The following GRAMD1C variants were observed in gnomAD, a reference collection of about 807,000 sequenced individuals.
GRAMD1C encodes protein Aster-C.
A neutral mutation model predicts 97.8 loss-of-function variants in GRAMD1C; 89 were observed. The ratio of observed to expected loss-of-function variants is 0.91; its 90% CI spans 0.77 to 1.09. GRAMD1C has a LOEUF of 1.09. Among genes scored for constraint, GRAMD1C ranks in the 50% least tolerant of loss-of-function variants. GRAMD1C has a pLI of 0.00. For missense variants in GRAMD1C, 740 were observed against 766.4 expected, an observed-to-expected ratio of 0.97 and a Z score of 0.41; for synonymous variants, 256 against 267.0, an observed-to-expected ratio of 0.96 and a Z score of 0.40.
chr3:113,870,732 T>A (rs1246793926), intron 3 of GRAMD1C, among the ~76,000 whole-genome samples: 1 of 151,996 alleles, frequency 6.6e-6, no homozygotes, highest in Non-Finnish European at 1.5e-5. Context: ...TAATTAAAAA[T>A]TTTAAAAAAG....
At chr3:113,874,781 A>C (rs1284324466) in intron 3 of GRAMD1C, among the ~76,000 whole-genome samples, 1 of 152,182 alleles carries the variant, frequency 6.6e-6, no homozygotes, top group Non-Finnish European at 1.5e-5. Flanking sequence ...ATATGTCTTA[A>C]TCTAACTACT....
chr3:113,893,854 A>G (rs1384401509), intron 6 of GRAMD1C, among the ~76,000 whole-genome samples: 1 of 152,232 alleles, frequency 6.6e-6, no homozygotes, highest in African/African-American at 2.4e-5. Flanking sequence ...TTGGAGTCCA[A>G]ATAATTACTA....
intron 2 of GRAMD1C, among the ~76,000 whole-genome samples, chr3:113,858,875 G>A (rs1283974080): frequency 6.6e-6 from 1 of 152,158 alleles, no homozygotes; most frequent in Admixed American, 6.6e-5. Flanking sequence ...CATGTGTAGA[G>A]TTCTTTACAG....
At chr3:113,879,852 C>A (rs1228884212) in intron 5 of GRAMD1C, among the ~76,000 whole-genome samples, 1 of 152,022 alleles carries the variant, frequency 6.6e-6, no homozygotes, top group African/African-American at 2.4e-5. Context: ...CGCCACCATG[C>A]CCGGCTAATT....
In GRAMD1C at chr3:113,838,846, G is replaced by C. The variant is rs964779871; in HGVS notation, c.-64G>C. 1.7e-6 allele frequency: 2 copies of C among 1,183,116 alleles called. No individual in the cohort carries two copies. Among genetic ancestry groups the C allele is most frequent in the Admixed American group, 4.3e-5 (1 of 23,248 alleles). 73.3% of individuals were successfully genotyped at this position (1,183,116 alleles called of 1,614,324 possible). A position where few individuals can be genotyped will look rare whatever the true frequency, so the allele number is the denominator to read the frequency against. The stretch of plus-strand genomic sequence containing the variant: ...CTGTAACTCGCAGCGCGCGCTGGAG[G>C]TGGGCGCGGGGCGGTGCGGTGCGGT... On this transcript the variant is annotated 5_prime_UTR_variant, in exon 1 of 18. Transcript: ENST00000358160.
chr3:113,928,543 C>T (rs946805028), intron 10 of GRAMD1C, among the ~76,000 whole-genome samples: 3 of 152,184 alleles, frequency 2.0e-5, no homozygotes, highest in Admixed American at 6.5e-5. Flanking sequence ...AGTACATTCA[C>T]GTTATTGTAC....
chr3:113,933,383 T>A, intron 11 of GRAMD1C, 128 bp from the exon 12 acceptor site: 1 of 621,358 alleles, frequency 1.6e-6, no homozygotes, highest in East Asian at 2.8e-5. Flanking sequence ...CTCTTTTAGC[T>A]TTGTATATAG....
At chr3:113,896,339 G>A (rs1281082762) in intron 6 of GRAMD1C, among the ~76,000 whole-genome samples, 3 of 151,934 alleles carry the variant, frequency 2.0e-5, no homozygotes, top group Non-Finnish European at 4.4e-5. Flanking sequence ...TACCTTTCTG[G>A]TATTTCCCTG....
At chr3:113,942,368 CT>C (rs1292953734) in intron 17 of GRAMD1C, among the ~76,000 whole-genome samples, 1 of 152,102 alleles carries the variant, frequency 6.6e-6, no homozygotes. Context: ...TAGAGAATTT[CT>C]TTAGTGTTTG....
intron 10 of GRAMD1C, among the ~76,000 whole-genome samples, chr3:113,929,631 A>G (rs1937340468): frequency 6.6e-6 from 1 of 152,200 alleles, no homozygotes; most frequent in South Asian, 2.1e-4. Context: ...AATTAGTTGT[A>G]TATCTTCTTT....
At chr3:113,886,930 C>A (rs868800434) in intron 6 of GRAMD1C, among the ~76,000 whole-genome samples, 1 of 150,538 alleles carries the variant, frequency 6.6e-6, no homozygotes, top group Non-Finnish European at 1.5e-5. Flanking sequence ...TATAGGCATG[C>A]GCCACCACGC....
At chr3:113,925,180 A>G (rs1394517283) in intron 10 of GRAMD1C, among the ~76,000 whole-genome samples, 3 of 152,052 alleles carry the variant, frequency 2.0e-5, no homozygotes, top group Admixed American at 2.0e-4. Context: ...TGCATGTGAG[A>G]TGGGTCTCCT....
upstream of GRAMD1C, among the ~76,000 whole-genome samples, chr3:113,834,686 A>G (rs1216787327): frequency 3.3e-5 from 5 of 151,730 alleles, no homozygotes; most frequent in Non-Finnish European, 7.4e-5. Context: ...CTGTAATCCC[A>G]GCACTTTGGA....
At chr3:113,900,088 ATGT>A (rs1936105698) in intron 6 of GRAMD1C, among the ~76,000 whole-genome samples, 2 of 152,088 alleles carry the variant, frequency 1.3e-5, no homozygotes, top group African/African-American at 4.8e-5. Flanking sequence ...GCTAGGCACC[ATGT>A]CTCACGCCTA....
At chr3:113,941,183 A>G (rs906426908) in intron 17 of GRAMD1C, among the ~76,000 whole-genome samples, 2 of 152,056 alleles carry the variant, frequency 1.3e-5, no homozygotes, top group African/African-American at 2.4e-5. Flanking sequence ...CTAACTGAAA[A>G]TTTTTCATTC....
chr3:113,924,473 G>A (rs1169368620), intron 10 of GRAMD1C, among the ~76,000 whole-genome samples: 1 of 152,016 alleles, frequency 6.6e-6, no homozygotes, highest in Non-Finnish European at 1.5e-5. Context: ...TTCTGTCTTT[G>A]TTCTCATTAG....
chr3:113,849,969 G>A (rs1409920425), intron 2 of GRAMD1C, among the ~76,000 whole-genome samples: 24 of 150,040 alleles, frequency 1.6e-4, no homozygotes, highest in Admixed American at 1.5e-3. Flanking sequence ...ACCGGGCGGG[G>A]GGCTGACCCC....
intron 1 of GRAMD1C, among the ~76,000 whole-genome samples, chr3:113,830,914 T>TA (rs1686528779): frequency 6.6e-6 from 1 of 152,028 alleles, no homozygotes. Flanking sequence ...GGGTGACCTG[T>TA]AAAAACCCCA....
intron 2 of GRAMD1C, among the ~76,000 whole-genome samples, chr3:113,849,762 C>CA (rs1933785747): frequency 6.6e-6 from 1 of 152,200 alleles, no homozygotes; most frequent in South Asian, 2.1e-4. Context: ...TTCTATTCCA[C>CA]AAAACCGCCA....
Sources: gnomAD v4.1 joint callset for allele counts (sites outside exome capture counted in the v4.1 genomes callset) on GRCh38, gnomAD v4.1.1 for gene constraint, MANE v1.5 for transcripts, NCBI Gene and HGNC (gene_info 2026-07-23, HGNC 2026-07-21) for gene names.